USP33: variants seen among roughly 807,000 people sequenced by gnomAD.
USP33 encodes the protein ubiquitin specific peptidase 33.
A neutral mutation model predicts 124.2 loss-of-function variants in USP33; 46 were observed. The ratio of observed to expected loss-of-function variants is 0.37; its 90% confidence interval spans 0.29 to 0.47. The LOEUF (loss-of-function observed/expected upper bound fraction) is 0.47. USP33 is among the 20% of genes least tolerant of loss of function. The probability of loss-of-function intolerance (pLI) is 0.99; values close to 1 mark genes in which losing one functional copy is unlikely to be tolerated. For synonymous variants in USP33, 350 were observed against 352.3 expected, an observed-to-expected ratio of 0.99 and a Z score of 0.07; for missense variants, 851 against 1,070.6, an observed-to-expected ratio of 0.79 and a Z score of 2.86.
At chr1:77,742,108 T>A (rs532068466) in intron 1 of USP33, among the ~76,000 whole-genome samples, 3 of 152,150 alleles carry the variant, frequency 2.0e-5, no homozygotes, top group African/African-American at 7.2e-5. Flanking sequence ...GAAGCACTTT[T>A]ATCCTTTTAA....
intron 17 of USP33, among the ~76,000 whole-genome samples, chr1:77,716,791 T>C (rs1675955941): frequency 1.3e-5 from 2 of 152,068 alleles, no homozygotes; most frequent in Non-Finnish European, 2.9e-5. Flanking sequence ...GTATATTTTC[T>C]AAAACTAAAA....
chr1:77,730,577 T>A, intron 8 of USP33, 41 bp downstream of exon 8: 1 of 1,371,104 alleles, frequency 7.3e-7, no homozygotes, highest in Non-Finnish European at 9.7e-7. Flanking sequence ...AATATTCATT[T>A]AAAAGTTTAA....
intron 9 of USP33, among the ~76,000 whole-genome samples, chr1:77,729,443 G>A (rs190902104): frequency 5.9e-5 from 9 of 151,922 alleles, no homozygotes; most frequent in African/African-American, 2.2e-4. Context: ...GGCCGAGGAG[G>A]GTGGATTACC....
rs182442900 is a variant in USP33, at chr1:77,741,846, A to G, written c.-51-98T>C. ...AAAATTAAAATGTTAACATATTAAAAATGATTAAAAGATAACATAAGAATG... is the reference window on the plus strand; with the variant it reads ...AAAATTAAAATGTTAACATATTAAAGATGATTAAAAGATAACATAAGAATG... On this transcript the variant is annotated intron_variant, in intron 1 of 23. Coordinates refer to ENST00000370794, the MANE Select transcript of USP33 (RefSeq NM_201624.3). 98 of 1,117,756 alleles carry G rather than the reference A, an allele frequency of 8.8e-5. 2 individuals carry two copies. In the African/African-American group the frequency reaches 1.5e-3, roughly 18 times the overall value. The allele number at this position is 1,117,756 out of a possible 1,614,324, so 69.2% of individuals were successfully genotyped here.
intron 9 of USP33, among the ~76,000 whole-genome samples, chr1:77,729,546 C>G (rs1220761600): frequency 6.6e-6 from 1 of 152,072 alleles, no homozygotes; most frequent in East Asian, 1.9e-4. Flanking sequence ...TGGCACACAT[C>G]TGCAATCCCA....
At chr1:77,713,162 C>T in intron 20 of USP33, 38 bp downstream of exon 20, 2 of 1,558,446 alleles carry the variant, frequency 1.3e-6, no homozygotes, top group Middle Eastern at 1.7e-4. Context: ...GTTTAACCGA[C>T]TTTCACAACA....
intron 20 of USP33, 135 bp downstream of exon 20, chr1:77,713,063 ACT>A (rs1436399862): frequency 1.5e-6 from 1 of 653,450 alleles, no homozygotes; most frequent in Non-Finnish European, 2.5e-6. Context: ...AAGTCTTCCT[ACT>A]CACACTTTAG....
intron 20 of USP33, among the ~76,000 whole-genome samples, chr1:77,712,531 A>G (rs1318200459): frequency 6.6e-6 from 1 of 152,062 alleles, no homozygotes; most frequent in Admixed American, 6.5e-5. Flanking sequence ...TTAAAATTTT[A>G]AAGTTTACGA....
intron 15 of USP33, among the ~76,000 whole-genome samples, chr1:77,719,856 G>GA (rs554573074): frequency 0.49 from 49,479 of 100,194 alleles, 11,571 homozygotes; most frequent in African/African-American, 0.69. Context: ...TCCCTCTCAA[G>GA]AAAAAAAAAA....
chr1:77,730,687 C>A lies in USP33; in HGVS notation c.569G>T (p.Arg190Leu). 1 of 1,593,608 alleles carries A rather than the reference C, an allele frequency of 6.3e-7. No individual in the cohort carries two copies. Among genetic ancestry groups the A allele is most frequent in the Non-Finnish European group, 8.6e-7 (1 of 1,168,558 alleles). ...ACAAATGGCAGGTTTCTTATCTGTT[C>A]GAGCTAGTCCTCCACAATCAAGAAA... is the stretch of plus-strand genomic sequence containing the variant. ...QFFLDCGGLA[R>L]TDKKPAICKS... The change falls in exon 8 of 24, where the codon CGA (arginine) becomes CTA (leucine). Residue 190 changes from arginine (R) to leucine (L), a missense_variant. Around this residue, in one of 4 missense-constraint regions of USP33, gnomAD observed 221 missense variants for 302.9 expected, o/e 0.73. Transcript: ENST00000370794.
intron 1 of USP33, among the ~76,000 whole-genome samples, chr1:77,749,637 C>G (rs1046248053): frequency 1.3e-5 from 2 of 152,204 alleles, no homozygotes; most frequent in African/African-American, 4.8e-5. Flanking sequence ...TCTCCTCAGC[C>G]TCCCAAAGTG....
chr1:77,739,805 T>C (rs1210238305), intron 4 of USP33, among the ~76,000 whole-genome samples: 2 of 152,146 alleles, frequency 1.3e-5, no homozygotes, highest in Admixed American at 1.3e-4. Context: ...ATAAAACAGC[T>C]CTAGCAATAC....
Position 77,717,906 on chromosome 1 carries a change from CAT to C in USP33, c.1877_1878del (p.Tyr626Ter), listed in dbSNP as rs1676107679. On this transcript the variant is annotated frameshift_variant, in exon 17 of 24. Coordinates refer to ENST00000370794, the MANE Select transcript of USP33 (RefSeq NM_201624.3). LOFTEE classifies it high-confidence loss of function. ...AKDSPAQIVT[Y>X]DLLSVICHHG... ...TGATGGCAAATGACTGACAGAAGAT[CAT>C]ATGTCACAATTTGAGCTGGACTATC... 1 of 1,612,722 alleles carries C rather than the reference CAT, an allele frequency of 6.2e-7. No homozygotes were observed. The highest frequency in any genetic ancestry group is 8.5e-7 in the Non-Finnish European group (1 of 1,179,552).
At chr1:77,723,977 A>T (rs527285904) in intron 11 of USP33, among the ~76,000 whole-genome samples, 9 of 151,558 alleles carry the variant, frequency 5.9e-5, no homozygotes, top group East Asian at 3.9e-4. Flanking sequence ...TTTTTTTTTT[A>T]AAGTATAAAT....
At chr1:77,701,561 T>A in intron 21 of USP33, 90 bp from the exon 22 acceptor site, 1 of 1,108,372 alleles carries the variant, frequency 9.0e-7, no homozygotes, top group Non-Finnish European at 1.3e-6. Flanking sequence ...GTTTGATAAC[T>A]CAGCACTTTG....
intron 7 of USP33, among the ~76,000 whole-genome samples, chr1:77,733,204 G>C (rs558465729): frequency 1.7e-4 from 26 of 152,132 alleles, no homozygotes; most frequent in Non-Finnish European, 3.4e-4. Flanking sequence ...AACCAGCCTA[G>C]GCAACAAGGT....
intron 1 of USP33, among the ~76,000 whole-genome samples, chr1:77,742,633 T>A (rs1334123351): frequency 6.6e-6 from 1 of 152,184 alleles, no homozygotes; most frequent in Non-Finnish European, 1.5e-5. Flanking sequence ...CAAGTCTAAT[T>A]TGGTATTCCT....
intron 22 of USP33, among the ~76,000 whole-genome samples, chr1:77,700,528 G>A (rs1187660993): frequency 1.3e-5 from 2 of 152,146 alleles, no homozygotes; most frequent in Admixed American, 1.3e-4. Flanking sequence ...AGGATCGCAT[G>A]GGCTGAGAGT....
chr1:77,752,393 C>G (rs1162813441), intron 1 of USP33, among the ~76,000 whole-genome samples: 1 of 152,138 alleles, frequency 6.6e-6, no homozygotes, highest in East Asian at 1.9e-4. Context: ...CCCACCTCGG[C>G]CTCCCAAAGT....
Sources: allele counts gnomAD v4.1 joint callset (sites outside exome capture counted in the v4.1 genomes callset), GRCh38; gene constraint gnomAD v4.1.1; regional missense constraint gnomAD v4.1.1; transcripts MANE v1.5; gene names NCBI Gene and HGNC (gene_info 2026-07-23, HGNC 2026-07-21).